SPEF2: variants seen among roughly 807,000 people sequenced by gnomAD.
SPEF2 encodes the protein sperm flagella and cilia-associated protein 2.
In SPEF2, 187 loss-of-function variants were observed where a neutral mutation model predicts 224.6. The ratio of observed to expected loss-of-function variants is 0.83; its 90% CI spans 0.74 to 0.94. The LOEUF (loss-of-function observed/expected upper bound fraction) is 0.94. SPEF2 is among the 40% of genes least tolerant of loss of function. The pLI, the probability that SPEF2 is intolerant of heterozygous loss-of-function variation, is 0.00. For synonymous variants in SPEF2, 715 were observed against 707.3 expected, an observed-to-expected ratio of 1.01 and a Z score of -0.17; for missense variants, 2,170 against 2,135.6, an observed-to-expected ratio of 1.02 and a Z score of -0.32.
Position 35,713,790 on chromosome 5 carries a change from G to GTATATATATTATATATAGTA in SPEF2, c.2914+905_2914+906insATATATATTATATATAGTAT, listed in dbSNP as rs1561246915. The stretch of plus-strand genomic sequence containing the variant: ...ATATAGTATATATATTATATATAGT[G>GTATATATATTATATATAGTA]TTATATATTTTATATATAGTATATA... On this transcript the variant is annotated intron_variant, in intron 20 of 36. Transcript: ENST00000356031. Among the ~76,000 whole-genome samples the GTATATATATTATATATAGTA allele has an allele frequency of 4.7e-3, 215 of 46,078 alleles. 2 individuals are homozygous for GTATATATATTATATATAGTA. Among genetic ancestry groups the GTATATATATTATATATAGTA allele is most frequent in the Non-Finnish European group, 6.2e-3 (142 of 22,948 alleles). The allele number at this position is 46,078 out of a possible 152,430, so 30.2% of individuals were successfully genotyped here.
chr5:35,648,245 T>TG lies in SPEF2; in HGVS notation c.727-1116_727-1115insG, dbSNP rs386403557. Reference sequence around the variant, plus strand: ...GAATTTTACATTAATTCACTTTTTTTTTGTTTTTTAAATACTAACAAAATA... The same window carrying TG: ...GAATTTTACATTAATTCACTTTTTTTGTTGTTTTTTAAATACTAACAAAATA... On this transcript the variant is annotated intron_variant, in intron 5 of 36. Coordinates refer to ENST00000356031, the MANE Select transcript of SPEF2 (RefSeq NM_024867.4). Among the ~76,000 whole-genome samples, 226 of 152,226 alleles carry TG rather than the reference T, an allele frequency of 1.5e-3. 1 individual carries two copies. The highest frequency in any genetic ancestry group is 5.2e-3 in the African/African-American group (216 of 41,514).
chr5:35,810,385 G>A (rs1243631838), intron 36 of SPEF2, among the ~76,000 whole-genome samples: 1 of 152,004 alleles, frequency 6.6e-6, no homozygotes, highest in Non-Finnish European at 1.5e-5. Flanking sequence ...CTAATTTTTT[G>A]TATTTTTAGT....
At chr5:35,649,953 C>G (rs879676391) in intron 6 of SPEF2, among the ~76,000 whole-genome samples, 6 of 152,106 alleles carry the variant, frequency 3.9e-5, no homozygotes, top group Non-Finnish European at 7.4e-5. Flanking sequence ...ACTTTGTTTT[C>G]TATGAGAGGT....
Position 35,715,816 on chromosome 5 carries a change from C to CCTTTTTTTTTTT in SPEF2, c.2914+2930_2914+2931insCTTTTTTTTTTT, listed in dbSNP as rs70973054. On this transcript the variant is annotated intron_variant, in intron 20 of 36. Coordinates refer to ENST00000356031, the MANE Select transcript of SPEF2 (RefSeq NM_024867.4). The stretch of plus-strand genomic sequence containing the variant: ...TCTGTGAAATAGGGGGATATAATTT[C>CCTTTTTTTTTTT]TTTTTTTTTTTTTTTTTGAGACAGA... Among the ~76,000 whole-genome samples, 14 of 117,932 alleles carry CCTTTTTTTTTTT rather than the reference C, an allele frequency of 1.2e-4. 6 individuals carry two copies. Among genetic ancestry groups the CCTTTTTTTTTTT allele is most frequent in the African/African-American group, 1.3e-4 (4 of 31,358 alleles). 77.4% of individuals were successfully genotyped at this position (117,932 alleles called of 152,430 possible).
intron 17 of SPEF2, among the ~76,000 whole-genome samples, chr5:35,704,885 G>C (rs977194295): frequency 3.3e-5 from 5 of 151,988 alleles, no homozygotes; most frequent in Non-Finnish European, 7.4e-5. Context: ...AATTAAATCA[G>C]GCAATACTTC....
At chr5:35,695,259 C>T (rs779698583) in intron 13 of SPEF2, among the ~76,000 whole-genome samples, 1 of 135,152 alleles carries the variant, frequency 7.4e-6, no homozygotes, top group African/African-American at 3.3e-5. Flanking sequence ...ACTCTTAAAA[C>T]TTCTGGTTTT....
At position 35,641,501 on chromosome 5, in the gene SPEF2, G is replaced by T; in HGVS notation, c.232G>T (p.Asp78Tyr). Residue 78 changes from aspartate (D) to tyrosine (Y), a missense_variant, in exon 3 of 37, where the codon GAT becomes TAT. Transcript: ENST00000356031. ...PTLNLLGVQFDQNVAHGIITE... is the reference protein window; with the variant it reads ...PTLNLLGVQFYQNVAHGIITE... The stretch of plus-strand genomic sequence containing the variant: ...ACTTAACCTTCTGGGTGTGCAGTTT[G>T]ATCAGAATGTGGCCCATGGCATCAT... 6.2e-7 allele frequency: 1 copy of T among 1,613,826 alleles called. No homozygotes were observed. The highest frequency in any genetic ancestry group is 1.1e-5 in the South Asian group (1 of 91,064).
chr5:35,797,320 G>GTGTC (rs1554059930), intron 33 of SPEF2, among the ~76,000 whole-genome samples: 3,045 of 27,398 alleles, frequency 0.11, 98 homozygotes, highest in African/African-American at 0.16. Context: ...GCTGACGGGT[G>GTGTC]TGTGTGTGTG....
chr5:35,736,116 T>C (rs1284414317), intron 21 of SPEF2, among the ~76,000 whole-genome samples: 1 of 152,222 alleles, frequency 6.6e-6, no homozygotes, highest in African/African-American at 2.4e-5. Flanking sequence ...GACACCTTTG[T>C]AGGAGATAAT....
chr5:35,762,728 G>T (rs1751490759), intron 25 of SPEF2, among the ~76,000 whole-genome samples: 1 of 152,136 alleles, frequency 6.6e-6, no homozygotes, highest in Non-Finnish European at 1.5e-5. Flanking sequence ...GGGGATTCCA[G>T]TCACAATAAG....
chr5:35,705,735 A>G lies in SPEF2; in HGVS notation c.2592A>G (p.Glu864=), dbSNP rs762839642. 1 of 1,577,656 alleles carries G rather than the reference A, an allele frequency of 6.3e-7. No homozygotes were observed. The highest frequency in any genetic ancestry group is 8.6e-7 in the Non-Finnish European group (1 of 1,159,676). The change falls in exon 18 of 37, where the codon GAA becomes GAG. Residue 864 remains glutamate, a synonymous_variant. Coordinates refer to ENST00000356031, the MANE Select transcript of SPEF2 (RefSeq NM_024867.4). ...ATATTTTGATAAAAATCAATGCTGA[A>G]ATAGATAAGGAATCTTTATGTGAAA... is the stretch of plus-strand genomic sequence containing the variant. ...PENILIKINA[E]IDKESLCEKV... is the part of the protein sequence containing the mutation.
At chr5:35,664,745 A>G (rs113938844) in intron 8 of SPEF2, among the ~76,000 whole-genome samples, 1 of 140,992 alleles carries the variant, frequency 7.1e-6, no homozygotes, top group Non-Finnish European at 1.6e-5. Flanking sequence ...AGAGGGAGAG[A>G]GAGAGAGGAA....
chr5:35,721,476 C>A (rs2149634069), intron 20 of SPEF2, among the ~76,000 whole-genome samples: 1 of 152,268 alleles, frequency 6.6e-6, no homozygotes, highest in South Asian at 2.1e-4. Flanking sequence ...CCAGACCTTA[C>A]CAATTGTGAA....
chr5:35,796,981 G>A (rs779006929), intron 33 of SPEF2, among the ~76,000 whole-genome samples: 4 of 152,104 alleles, frequency 2.6e-5, no homozygotes, highest in Admixed American at 6.5e-5. Context: ...ATCCTGGAGC[G>A]TTTTGGAATG....
rs761407715 is a variant in SPEF2 at position 35,774,026 on chromosome 5, C to T, written c.4078+5C>T. On this transcript the variant is annotated splice_donor_5th_base_variant and intron_variant, in intron 28 of 36. Coordinates refer to ENST00000356031, the MANE Select transcript of SPEF2 (RefSeq NM_024867.4). Reference sequence around the variant, plus strand: ...TTGCTGCCTTGCAATTTGAAGGTAGCGATTGAAACGACTAAGATGATGCTT... The same window carrying T: ...TTGCTGCCTTGCAATTTGAAGGTAGTGATTGAAACGACTAAGATGATGCTT... The T allele has an allele frequency of 1.3e-5, 21 of 1,609,906 alleles. No individual in the cohort carries two copies. The highest frequency in any genetic ancestry group is 1.6e-5 in the Non-Finnish European group (19 of 1,178,328).
At position 35,656,521 on chromosome 5, in the gene SPEF2, C is replaced by T. The variant is rs114039434; in HGVS notation, c.978+1795C>T. ...TAGTTGAAAAGTTAGTTTTAAAATA[C>T]CTACCCATTTCAAGTTTCATTACCT... is the stretch of plus-strand genomic sequence containing the variant. On this transcript the variant is annotated intron_variant, in intron 7 of 36. Coordinates refer to ENST00000356031, the MANE Select transcript of SPEF2 (RefSeq NM_024867.4). Among the ~76,000 whole-genome samples the T allele has an allele frequency of 9.0e-3, 1,376 of 152,182 alleles. 18 individuals carry two copies. The highest frequency in any genetic ancestry group is 0.032 in the African/African-American group (1,339 of 41,508).
chr5:35,806,791 G>A lies in SPEF2; in HGVS notation c.5095G>A (p.Asp1699Asn), dbSNP rs767335634. 6.8e-6 allele frequency: 11 copies of A among 1,613,704 alleles called. No individual in the cohort carries two copies. The highest frequency in any genetic ancestry group is 9.3e-6 in the Non-Finnish European group (11 of 1,179,922). Residue 1699 changes from aspartate to asparagine, a missense_variant, in exon 35 of 37, where the codon GAC becomes AAC. Transcript: ENST00000356031. ...AAGAGAAGAAAGGAAATTAAAAGAC[G>A]ACACGGAGAAAAGGGAACAGAAGGA... ...AAREERKLKD[D>N]TEKREQKDEE... is the part of the protein sequence containing the mutation.
At chr5:35,777,561 G>A (rs545915316) in intron 29 of SPEF2, among the ~76,000 whole-genome samples, 22 of 151,788 alleles carry the variant, frequency 1.4e-4, no homozygotes, top group Non-Finnish European at 4.4e-5. Flanking sequence ...TTTAGCAGAT[G>A]TATTCATATT....
intron 30 of SPEF2, among the ~76,000 whole-genome samples, chr5:35,785,778 T>C (rs1755025724): frequency 6.6e-6 from 1 of 151,800 alleles, no homozygotes; most frequent in African/African-American, 2.4e-5. Flanking sequence ...TATTCTGTCT[T>C]GAACTCCTAG....
Sources: allele counts gnomAD v4.1 joint callset (sites outside exome capture counted in the v4.1 genomes callset), GRCh38; gene constraint gnomAD v4.1.1; transcripts MANE v1.5; gene names NCBI Gene and HGNC (gene_info 2026-07-23, HGNC 2026-07-21).